Variants in LIPI observed in about 807,000 individuals in gnomAD.
The protein encoded by LIPI is lipase member I.
LIPI carries 59 observed loss-of-function variants against 50.6 expected under a neutral mutation model. That is an observed-to-expected ratio of 1.16 (90% CI 0.94 to 1.45). The LOEUF (loss-of-function observed/expected upper bound fraction) is 1.45. LIPI is among the 40% of genes most tolerant of loss of function. LIPI has a pLI of 0.00. For synonymous variants in LIPI, 203 were observed against 178.2 expected (o/e 1.14, Z -1.11); for missense variants, 586 against 536.3 (o/e 1.09, Z -0.92).
rs200407550 is a variant in LIPI at position 14,181,811 on chromosome 21, C to T, written c.590G>A (p.Arg197Lys). Residue 197 changes from arginine (R) to lysine (K), a missense_variant, in exon 4 of 10, where the codon AGA (arginine) becomes AAA (lysine). Transcript: ENST00000681601. ...AAACTTTGCATCCGTGTAATCTAAT[C>T]TGCTATATGGTGGTTTTCTGGAGAA... ...PRFSRKPPYS[R>K]LDYTDAKFVD... 7.4e-6 allele frequency: 12 copies of T among 1,612,770 alleles called. No individual in the cohort carries two copies. The highest frequency in any genetic ancestry group is 1.0e-5 in the Non-Finnish European group (12 of 1,179,066).
intron 3 of LIPI, 73 bp downstream of exon 3, chr21:14,185,888 A>G: frequency 1.1e-6 from 1 of 943,262 alleles, no homozygotes; most frequent in East Asian, 2.5e-5. Flanking sequence ...GTCTCAAAAA[A>G]AAAAAAATTA....
At chr21:14,129,169 T>C (rs1486487624) in intron 9 of LIPI, among the ~76,000 whole-genome samples, 1 of 152,036 alleles carries the variant, frequency 6.6e-6, no homozygotes, top group African/African-American at 2.4e-5. Context: ...AGAGAAGGCA[T>C]AATGAAAGTC....
chr21:14,126,608 G>A (rs184663696), intron 9 of LIPI, among the ~76,000 whole-genome samples: 2 of 152,158 alleles, frequency 1.3e-5, no homozygotes, highest in East Asian at 3.9e-4. Context: ...ATTTAGTATA[G>A]CAACTATTTA....
chr21:14,167,277 A>AGGG (rs1465754441), intron 4 of LIPI, among the ~76,000 whole-genome samples: 1 of 152,232 alleles, frequency 6.6e-6, no homozygotes, highest in Admixed American at 6.5e-5. Flanking sequence ...CTCCACCTCT[A>AGGG]GGGGCAGGGC....
Position 14,144,745 on chromosome 21 carries a change from A to AATTT in LIPI, c.1172_1173insAAAT (p.Tyr391Ter). On this transcript the variant is annotated stop_gained and frameshift_variant, in exon 9 of 10. Coordinates refer to ENST00000681601, the MANE Select transcript of LIPI (RefSeq NM_001302998.2). LOFTEE classifies it high-confidence loss of function. ...TGCTTGAAATATTTACAAAGTCATT[A>AATTT]TAAAATTGAGCAAGAATCTTGACTT... 6.3e-7 allele frequency: 1 copy of AATTT among 1,584,338 alleles called. No individual in the cohort carries two copies. Among genetic ancestry groups the AATTT allele is most frequent in the Non-Finnish European group, 8.7e-7 (1 of 1,153,606 alleles).
chr21:14,123,065 C>T (rs544073200), intron 9 of LIPI, among the ~76,000 whole-genome samples: 40 of 152,286 alleles, frequency 2.6e-4, no homozygotes, highest in African/African-American at 9.1e-4. Flanking sequence ...ACCAATGGCC[C>T]TGGGAGGCTA....
intron 5 of LIPI, 50 bp downstream of exon 5, chr21:14,166,312 T>G (rs757897324): frequency 2.9e-6 from 3 of 1,032,258 alleles, no homozygotes; most frequent in Admixed American, 3.4e-5. Flanking sequence ...GTTATTTTCT[T>G]TCATCATTTC....
At chr21:14,155,933 T>G (rs889034315) in intron 7 of LIPI, among the ~76,000 whole-genome samples, 2 of 152,018 alleles carry the variant, frequency 1.3e-5, no homozygotes, top group Non-Finnish European at 2.9e-5. Context: ...GTTATCTTTT[T>G]CTCATTGATT....
intron 9 of LIPI, among the ~76,000 whole-genome samples, chr21:14,135,201 A>G (rs2017447454): frequency 6.6e-6 from 1 of 152,182 alleles, no homozygotes. Flanking sequence ...GACATCACTA[A>G]TCATCAGAGA....
intron 3 of LIPI, among the ~76,000 whole-genome samples, chr21:14,184,020 T>G (rs1458628433): frequency 3.3e-5 from 5 of 152,138 alleles, no homozygotes; most frequent in African/African-American, 1.2e-4. Context: ...TAAAGACACA[T>G]GCACATGTAT....
chr21:14,188,512 G>T (rs778577133), intron 2 of LIPI, among the ~76,000 whole-genome samples: 9 of 137,018 alleles, frequency 6.6e-5, no homozygotes, highest in Non-Finnish European at 1.2e-4. Flanking sequence ...AGGCTGCAGT[G>T]AGCCAAGATC....
chr21:14,204,339 G>T (rs1344764216), intron 1 of LIPI, among the ~76,000 whole-genome samples: 1 of 147,644 alleles, frequency 6.8e-6, no homozygotes, highest in South Asian at 2.1e-4. Flanking sequence ...AGAAGGAAAA[G>T]AAAACAGAAA....
Position 14,165,216 on chromosome 21 carries a change from C to T in LIPI, c.901+7G>A. ...AGAATGATAGTAACTATAATAATCT[C>T]TCTTACCCAGCCGAGGACATGATTT... On this transcript the variant is annotated splice_region_variant and intron_variant, in intron 6 of 9. Transcript: ENST00000681601. 6.3e-7 allele frequency: 1 copy of T among 1,590,622 alleles called. No individual in the cohort carries two copies. The highest frequency in any genetic ancestry group is 1.1e-5 in the South Asian group (1 of 90,552).
intron 8 of LIPI, among the ~76,000 whole-genome samples, chr21:14,145,586 A>C (rs2017873485): frequency 6.6e-6 from 1 of 152,036 alleles, no homozygotes; most frequent in Non-Finnish European, 1.5e-5. Context: ...AAAGAGAAGG[A>C]GAAGGAGGAA....
At chr21:14,141,115 G>T (rs1022259118) in intron 9 of LIPI, among the ~76,000 whole-genome samples, 2 of 152,028 alleles carry the variant, frequency 1.3e-5, no homozygotes, top group Non-Finnish European at 2.9e-5. Context: ...CTGGTTTTCA[G>T]TTCATCCTTT....
At chr21:14,162,211 G>GA (rs1480912788) in intron 7 of LIPI, among the ~76,000 whole-genome samples, 2 of 151,206 alleles carry the variant, frequency 1.3e-5, no homozygotes, top group South Asian at 2.1e-4. Context: ...TATGCTGAGT[G>GA]AAAAAATAAG....
At chr21:14,194,629 G>T (rs899089536) in intron 1 of LIPI, among the ~76,000 whole-genome samples, 4 of 113,814 alleles carry the variant, frequency 3.5e-5, no homozygotes, top group Admixed American at 8.0e-5. Flanking sequence ...GATTGTGGTT[G>T]CCCTGGGCTG....
At chr21:14,135,468 C>T (rs982796918) in intron 9 of LIPI, among the ~76,000 whole-genome samples, 1 of 152,114 alleles carries the variant, frequency 6.6e-6, no homozygotes, top group African/African-American at 2.4e-5. Context: ...GGAGTGGCGG[C>T]ATGGTGCAGA....
rs188840975 is a variant in LIPI, at chr21:14,179,957, G to T, written c.643+1801C>A. On this transcript the variant is annotated intron_variant, in intron 4 of 9. Coordinates refer to ENST00000681601, the MANE Select transcript of LIPI (RefSeq NM_001302998.2). The stretch of plus-strand genomic sequence containing the variant: ...CCATATTTTTCTTCTTGCAGAGAGC[G>T]TATAAACGGACGTGCAAGCAGGAAA... Among the ~76,000 whole-genome samples, 17 of 152,226 alleles carry T rather than the reference G, an allele frequency of 1.1e-4. No homozygotes were observed. The South Asian group carries it at 3.5e-3, about 32-fold the overall frequency.
Sources: gnomAD v4.1 joint callset for allele counts (sites outside exome capture counted in the v4.1 genomes callset) on GRCh38, gnomAD v4.1.1 for gene constraint, MANE v1.5 for transcripts, NCBI Gene and HGNC (gene_info 2026-07-23, HGNC 2026-07-21) for gene names.